The following JAKMIP1 variants were observed in gnomAD, a reference collection of about 807,000 sequenced individuals.
JAKMIP1 encodes janus kinase and microtubule-interacting protein 1.
Under a neutral mutation model 113.0 loss-of-function variants are expected in JAKMIP1, and 33 were observed. The observed-to-expected ratio is 0.29, with a 90% CI of 0.22 to 0.39. JAKMIP1 has a LOEUF of 0.39. Ranked by LOEUF, JAKMIP1 falls within the 10% of genes least tolerant of loss-of-function variation. The pLI, the probability that JAKMIP1 is intolerant of heterozygous loss-of-function variation, is 1.00. For synonymous variants in JAKMIP1, 480 were observed against 459.9 expected (o/e 1.04, Z -0.56); for missense variants, 813 against 1,080.5 (o/e 0.75, Z 3.47).
chr4:6,049,790 G>A lies in JAKMIP1; in HGVS notation c.1962+29C>T, dbSNP rs376072875. 37 of 1,572,816 alleles carry A rather than the reference G, an allele frequency of 2.4e-5. No individual in the cohort carries two copies. The highest frequency in any genetic ancestry group is 1.7e-4 in the Middle Eastern group (1 of 6,022). On this transcript the variant is annotated intron_variant, in intron 15 of 20. Coordinates refer to ENST00000409021, the MANE Select transcript of JAKMIP1 (RefSeq NM_001099433.2). The surrounding 1 kb of genome is among the most constrained non-coding windows in gnomAD (Gnocchi z 7.0). ...TACACCCAGATCAAAACAAGAACAC[G>A]AAAGCAGAAACCGATCGCTCATAGT... is the stretch of plus-strand genomic sequence containing the variant.
At position 6,185,074 on chromosome 4, in the gene JAKMIP1, G is replaced by A. The variant is rs1483695910; in HGVS notation, c.-148+15179C>T. Among the ~76,000 whole-genome samples, 3 of 152,160 alleles carry A rather than the reference G, an allele frequency of 2.0e-5. No individual in the cohort carries two copies. Among genetic ancestry groups the A allele is most frequent in the Non-Finnish European group, 4.4e-5 (3 of 68,040 alleles). On this transcript the variant is annotated intron_variant, in intron 1 of 20. Coordinates refer to ENST00000409021, the MANE Select transcript of JAKMIP1 (RefSeq NM_001099433.2). This position sits in a 1 kb window ranked among gnomAD's most constrained non-coding sequence, Gnocchi z 5.3. The stretch of plus-strand genomic sequence containing the variant: ...GGTTTGCCAGGGCTCTCAGGCCTTG[G>A]GCCACTGACTGAAGGCTGCACTGTC...
At chr4:6,068,641 T>C (rs917382119) in intron 8 of JAKMIP1, among the ~76,000 whole-genome samples, 5 of 151,562 alleles carry the variant, frequency 3.3e-5, no homozygotes, top group Admixed American at 6.6e-5. Flanking sequence ...TACTACAACT[T>C]CCGTCTCCCA....
chr4:6,097,211 G>A lies in JAKMIP1; in HGVS notation c.624+8262C>T, dbSNP rs1408841197. ...GAGGCAAGACCTCACTGCCCAGGAT[G>A]GTCTCAAACTCTCAGCCTCAAGCAA... On this transcript the variant is annotated intron_variant, in intron 3 of 20. Coordinates refer to ENST00000409021, the MANE Select transcript of JAKMIP1 (RefSeq NM_001099433.2). The surrounding 1 kb of genome is among the most constrained non-coding windows in gnomAD (Gnocchi z 4.3). 2.0e-5 allele frequency among the ~76,000 whole-genome samples: 3 copies of A among 152,066 alleles called. No individual in the cohort carries two copies. The highest frequency in any genetic ancestry group is 4.4e-5 in the Non-Finnish European group (3 of 68,004).
Position 6,098,722 on chromosome 4 carries a change from A to AAGAG in JAKMIP1, c.624+6750_624+6751insCTCT, listed in dbSNP as rs373338055. Among the ~76,000 whole-genome samples the AAGAG allele has an allele frequency of 3.0e-3, 39 of 13,000 alleles. 1 individual carries two copies. The highest frequency in any genetic ancestry group is 8.0e-3 in the African/African-American group (37 of 4,598). 8.5% of individuals were successfully genotyped at this position (13,000 alleles called of 152,430 possible). On this transcript the variant is annotated intron_variant, in intron 3 of 20. Coordinates refer to ENST00000409021, the MANE Select transcript of JAKMIP1 (RefSeq NM_001099433.2). ...AAAGAAAGAAAGAAAGAAAGAAAGA[A>AAGAG]AAAGAAAGAAAGAGAAGGAAGGAAG...
In JAKMIP1 at chr4:6,106,547, TCTCTCTCTCTTC is replaced by T. The variant is rs1713993805; in HGVS notation, c.130-592_130-581del. On this transcript the variant is annotated intron_variant, in intron 2 of 20. Transcript: ENST00000409021. This position sits in a 1 kb window ranked among gnomAD's most constrained non-coding sequence, Gnocchi z 5.9. Reference sequence around the variant, plus strand: ...TCTCTTTCTCCCTCTCTCCTCTCTCTCTCTCTCTCTTCCTCTCTCTCTCCTCTGTTTTATCAT... The same window carrying T: ...TCTCTTTCTCCCTCTCTCCTCTCTCTCTCTCTCTCTCCTCTGTTTTATCAT... Among the ~76,000 whole-genome samples, 1 of 151,682 alleles carries T rather than the reference TCTCTCTCTCTTC, an allele frequency of 6.6e-6. No homozygotes were observed. Among genetic ancestry groups the T allele is most frequent in the African/African-American group, 2.4e-5 (1 of 41,216 alleles).
rs1310307429 is a variant in JAKMIP1, at chr4:6,154,927, G to C, written c.-147-41930C>G. On this transcript the variant is annotated intron_variant, in intron 1 of 20. Transcript: ENST00000409021. The surrounding 1 kb of genome is among the most constrained non-coding windows in gnomAD (Gnocchi z 4.2). ...CTCTCACTCCACAAACCAACACAGA[G>C]CACGCAGGGAAAGGTGCGGGGTAGG... 2.6e-5 allele frequency among the ~76,000 whole-genome samples: 4 copies of C among 152,250 alleles called. No individual in the cohort carries two copies. The highest frequency in any genetic ancestry group is 5.9e-5 in the Non-Finnish European group (4 of 68,014).
chr4:6,059,822 C>T lies in JAKMIP1; in HGVS notation c.1644+602G>A, dbSNP rs534818807. 6.6e-6 allele frequency among the ~76,000 whole-genome samples: 1 copy of T among 152,262 alleles called. No individual in the cohort carries two copies. The highest frequency in any genetic ancestry group is 3.4e-3 in the Middle Eastern group (1 of 294). ...CCGACCCATACGAACCTTCGCATGC[C>T]ACCCCGAGAGGCCAGATTTCCACCC... On this transcript the variant is annotated intron_variant, in intron 11 of 20. Coordinates refer to ENST00000409021, the MANE Select transcript of JAKMIP1 (RefSeq NM_001099433.2). This position sits in a 1 kb window ranked among gnomAD's most constrained non-coding sequence, Gnocchi z 4.8.
At chr4:6,063,333 T>C (rs1257754209) in intron 9 of JAKMIP1, among the ~76,000 whole-genome samples, 1 of 152,228 alleles carries the variant, frequency 6.6e-6, no homozygotes, top group African/African-American at 2.4e-5. Context: ...AAGATGCCTA[T>C]TACATATCAC....
rs1430251648 is a variant in JAKMIP1, at chr4:6,076,011, T to C, written c.1302+2928A>G. On this transcript the variant is annotated intron_variant, in intron 8 of 20. Transcript: ENST00000409021. The surrounding 1 kb of genome is among the most constrained non-coding windows in gnomAD (Gnocchi z 4.8). ...GGCCAACATGGTGAAACCCCGTCTC[T>C]ACTAAAAATACAAAATTAGCCAGGC... Among the ~76,000 whole-genome samples, 1 of 152,140 alleles carries C rather than the reference T, an allele frequency of 6.6e-6. No homozygotes were observed. Among genetic ancestry groups the C allele is most frequent in the African/African-American group, 2.4e-5 (1 of 41,428 alleles).
intron 18 of JAKMIP1, among the ~76,000 whole-genome samples, chr4:6,036,779 C>T (rs551087641): frequency 6.6e-6 from 1 of 152,366 alleles, no homozygotes; most frequent in East Asian, 1.9e-4. Context: ...AGACAATTAC[C>T]TCCTTTTCTG....
chr4:6,056,706 C>A lies in JAKMIP1; in HGVS notation c.1698G>T (p.Leu566Phe). ...KQLLIRTNQD[L>F]LEKIYRLEME... ...AGGTGGGGTCACGCACCTTTTCCAG[C>A]AAGTCTTGGTTTGTTCTGATGAGCA... The change falls in exon 12 of 21, where the codon TTG becomes TTT. Residue 566 changes from leucine (L) to phenylalanine (F), a missense_variant. By Grantham distance (22) the Leu-to-Phe change is conservative (BLOSUM62 0). Coordinates refer to ENST00000409021, the MANE Select transcript of JAKMIP1 (RefSeq NM_001099433.2). 1.2e-6 allele frequency: 2 copies of A among 1,613,606 alleles called. No individual in the cohort carries two copies. The highest frequency in any genetic ancestry group is 1.7e-6 in the Non-Finnish European group (2 of 1,179,706).
In JAKMIP1 at chr4:6,041,416, G is replaced by C. The variant is rs539004342; in HGVS notation, c.2098-700C>G. 2.4e-4 allele frequency among the ~76,000 whole-genome samples: 36 copies of C among 152,224 alleles called. No individual in the cohort carries two copies. The South Asian group carries it at 6.8e-3, about 29-fold the overall frequency. ...CAGGGCTCTTGCCACACCACACCCT[G>C]CTCCTAGGCCACACTAGTCCTTCCA... On this transcript the variant is annotated intron_variant, in intron 17 of 20. Transcript: ENST00000409021.
rs149663807 is a variant in JAKMIP1 at position 6,141,587 on chromosome 4, C to A, written c.-147-28590G>T. Among the ~76,000 whole-genome samples the A allele has an allele frequency of 6.6e-6, 1 of 152,224 alleles. No homozygotes were observed. The highest frequency in any genetic ancestry group is 2.4e-5 in the African/African-American group (1 of 41,442). On this transcript the variant is annotated intron_variant, in intron 1 of 20. Transcript: ENST00000409021. This position sits in a 1 kb window ranked among gnomAD's most constrained non-coding sequence, Gnocchi z 9.4. ...TAAATAATTTTATGGGCAACAGCAC[C>A]TATGCCCCAGGGCCTGGCCTGTGAA... is the stretch of plus-strand genomic sequence containing the variant.
In JAKMIP1 at chr4:6,035,917, T is replaced by C. The variant is rs1713370513; in HGVS notation, c.2366A>G (p.Gln789Arg). The stretch of plus-strand genomic sequence containing the variant: ...GTTGCCGCCTACCTGCTGGGCCTGC[T>C]GCAGCAGCTCCATGCGCTCCCGCAG... ...QILRERMELL[Q>R]QAQQRIRELE... Residue 789 changes from glutamine (Q) to arginine (R), a missense_variant, in exon 19 of 21, where the codon CAG (glutamine) becomes CGG (arginine). By Grantham distance (43) the Gln-to-Arg change is conservative (BLOSUM62 1). Transcript: ENST00000409021. 1 of 1,549,962 alleles carries C rather than the reference T, an allele frequency of 6.5e-7. No individual in the cohort carries two copies. Among genetic ancestry groups the C allele is most frequent in the Non-Finnish European group, 8.7e-7 (1 of 1,146,536 alleles).
In JAKMIP1 at chr4:6,129,775, G is replaced by A. The variant is rs1020505521; in HGVS notation, c.-147-16778C>T. Among the ~76,000 whole-genome samples the A allele has an allele frequency of 6.6e-6, 1 of 152,176 alleles. No homozygotes were observed. Among genetic ancestry groups the A allele is most frequent in the Non-Finnish European group, 1.5e-5 (1 of 68,036 alleles). ...TCCCGCCCCTAGAAAAGTATTCTGA[G>A]GTCAAAACACCCTTCCTGTTTCTGG... is the stretch of plus-strand genomic sequence containing the variant. On this transcript the variant is annotated intron_variant, in intron 1 of 20. Transcript: ENST00000409021. The surrounding 1 kb of genome is among the most constrained non-coding windows in gnomAD (Gnocchi z 5.4).
intron 1 of JAKMIP1, among the ~76,000 whole-genome samples, chr4:6,171,429 C>T (rs1388278433): frequency 2.0e-5 from 3 of 151,898 alleles, no homozygotes; most frequent in Admixed American, 6.6e-5. Context: ...ACCACTACCA[C>T]CACTCTCACC....
At chr4:6,073,034 C>T (rs1203382588) in intron 8 of JAKMIP1, among the ~76,000 whole-genome samples, 7 of 149,608 alleles carry the variant, frequency 4.7e-5, no homozygotes, top group South Asian at 2.1e-4. Flanking sequence ...AGCTCCATCA[C>T]GCCACTACAC....
chr4:6,110,731 A>G (rs1446223494), intron 2 of JAKMIP1, among the ~76,000 whole-genome samples: 1 of 149,326 alleles, frequency 6.7e-6, no homozygotes, highest in Non-Finnish European at 1.5e-5. Context: ...TACAGATGGG[A>G]AAACTGAGGC....
At position 6,168,919 on chromosome 4, in the gene JAKMIP1, A is replaced by G. The variant is rs1398004990; in HGVS notation, c.-148+31334T>C. Among the ~76,000 whole-genome samples the G allele has an allele frequency of 1.3e-5, 2 of 152,018 alleles. No individual in the cohort carries two copies. The highest frequency in any genetic ancestry group is 4.8e-5 in the African/African-American group (2 of 41,376). On this transcript the variant is annotated intron_variant, in intron 1 of 20. Coordinates refer to ENST00000409021, the MANE Select transcript of JAKMIP1 (RefSeq NM_001099433.2). The surrounding 1 kb of genome is among the most constrained non-coding windows in gnomAD (Gnocchi z 4.6). ...CTGTCTCAAAAAATAAAAACAAAAAAAAAAATCATAGGGACAAGAAGTAGA... is the reference window on the plus strand; with the variant it reads ...CTGTCTCAAAAAATAAAAACAAAAAGAAAAATCATAGGGACAAGAAGTAGA...
Sources: gnomAD v4.1 joint callset for allele counts (sites outside exome capture counted in the v4.1 genomes callset) on GRCh38, gnomAD v4.1.1 for gene constraint, Gnocchi (gnomAD v3.1) non-coding constraint, MANE v1.5 for transcripts, NCBI Gene and HGNC (gene_info 2026-07-23, HGNC 2026-07-21) for gene names.